The following SMARCC1 variants were observed in gnomAD, a reference collection of about 807,000 sequenced individuals.
SMARCC1 encodes SWI/SNF related BAF chromatin remodeling complex subunit C1.
In SMARCC1, 43 loss-of-function variants were observed where a neutral mutation model predicts 147.4. The ratio of observed to expected loss-of-function variants is 0.29; its 90% CI spans 0.23 to 0.38. The LOEUF (loss-of-function observed/expected upper bound fraction) is 0.38, where lower values mean the gene tolerates loss of function less well. SMARCC1 is among the 10% of genes least tolerant of loss of function. The probability of loss-of-function intolerance (pLI) is 1.00; values close to 1 mark genes in which losing one functional copy is unlikely to be tolerated. For synonymous variants in SMARCC1, 495 were observed against 484.4 expected (o/e 1.02, Z -0.29); for missense variants, 1,119 against 1,381.1 (o/e 0.81, Z 3.01).
intron 19 of SMARCC1, among the ~76,000 whole-genome samples, chr3:47,667,125 G>A (rs951396654): frequency 3.2e-4 from 49 of 152,230 alleles, no homozygotes; most frequent in Admixed American, 3.1e-3. Context: ...AGACCATCCT[G>A]GCTAACATGG....
chr3:47,594,433 A>C (rs1055080585), intron 26 of SMARCC1, among the ~76,000 whole-genome samples: 1 of 152,174 alleles, frequency 6.6e-6, no homozygotes, highest in Non-Finnish European at 1.5e-5. Context: ...GGACCAACTG[A>C]CCATCATTAA....
intron 2 of SMARCC1, among the ~76,000 whole-genome samples, chr3:47,758,360 A>G (rs2106857930): frequency 6.6e-6 from 1 of 151,296 alleles, no homozygotes; most frequent in East Asian, 1.9e-4. Context: ...GGCTCAAGCA[A>G]TCTTCCCACT....
chr3:47,679,287 T>A (rs973987999), intron 15 of SMARCC1, among the ~76,000 whole-genome samples: 2 of 151,532 alleles, frequency 1.3e-5, no homozygotes, highest in Non-Finnish European at 2.9e-5. Flanking sequence ...TTGACAGATA[T>A]GTACTTATAT....
intron 5 of SMARCC1, 96 bp from the exon 6 acceptor site, chr3:47,729,190 G>T: frequency 1.4e-6 from 1 of 734,120 alleles, no homozygotes; most frequent in South Asian, 1.9e-5. Flanking sequence ...TAAAAGCATG[G>T]TTTTACTTAT....
intron 25 of SMARCC1, among the ~76,000 whole-genome samples, chr3:47,614,909 A>C (rs1418152703): frequency 6.6e-6 from 1 of 152,154 alleles, no homozygotes; most frequent in Non-Finnish European, 1.5e-5. Flanking sequence ...GATCTCTTTG[A>C]CTTTATGCTC....
intron 26 of SMARCC1, among the ~76,000 whole-genome samples, chr3:47,592,889 A>G (rs958762373): frequency 6.1e-5 from 9 of 147,362 alleles, no homozygotes; most frequent in African/African-American, 2.0e-4. Context: ...ACACGATTTC[A>G]GCTCACTGGA....
intron 8 of SMARCC1, among the ~76,000 whole-genome samples, chr3:47,713,889 C>G (rs142189114): frequency 2.0e-5 from 3 of 152,300 alleles, no homozygotes; most frequent in African/African-American, 7.2e-5. Flanking sequence ...ACAATCTGAC[C>G]TGCCTTTGGA....
chr3:47,763,139 C>G (rs528549221), intron 2 of SMARCC1, among the ~76,000 whole-genome samples: 20 of 151,810 alleles, frequency 1.3e-4, no homozygotes, highest in African/African-American at 4.6e-4. Flanking sequence ...CAATGCATCT[C>G]CTTCTTCAAC....
In SMARCC1 at chr3:47,610,310, C is replaced by A. The variant is rs781343116; in HGVS notation, c.2799G>T (p.Gln933His). ...REKEALEQQRQQLLTERQNFH... is the reference protein window; with the variant it reads ...REKEALEQQRHQLLTERQNFH... Reference sequence around the variant, plus strand: ...AGTTTTGGCGTTCAGTAAGCAACTGCTGCCTCTGTTGTTCTAGCTGTAAGC... The same window carrying A: ...AGTTTTGGCGTTCAGTAAGCAACTGATGCCTCTGTTGTTCTAGCTGTAAGC... The change falls in exon 26 of 28, where the codon CAG becomes CAT. Residue 933 changes from glutamine (Q) to histidine (H), a missense_variant. By Grantham distance (24) the Gln-to-His change is conservative. This residue lies in a region of SMARCC1 where 42 missense variants were observed against 89.4 expected (regional missense o/e 0.47). Transcript: ENST00000254480. 5 of 1,614,186 alleles carry A rather than the reference C, an allele frequency of 3.1e-6. No homozygotes were observed. Among genetic ancestry groups the A allele is most frequent in the Non-Finnish European group, 4.2e-6 (5 of 1,180,024 alleles).
intron 13 of SMARCC1, among the ~76,000 whole-genome samples, chr3:47,687,680 C>T (rs1398547221): frequency 6.6e-6 from 1 of 152,142 alleles, no homozygotes; most frequent in Non-Finnish European, 1.5e-5. Context: ...GTTGTGCTGG[C>T]TGGTTTTGAA....
chr3:47,649,851 G>A (rs2033164192), intron 21 of SMARCC1, among the ~76,000 whole-genome samples: 1 of 152,194 alleles, frequency 6.6e-6, no homozygotes, highest in Admixed American at 6.5e-5. Flanking sequence ...TTGAGGGAAA[G>A]GGCTGGTGTC....
At chr3:47,670,471 G>T in intron 19 of SMARCC1, 187 bp downstream of exon 19, 1 of 560,122 alleles carries the variant, frequency 1.8e-6, no homozygotes. Context: ...CTTAGTCCCA[G>T]CTATTCAGGA....
At chr3:47,700,617 C>T (rs534788565) in intron 11 of SMARCC1, among the ~76,000 whole-genome samples, 1 of 152,146 alleles carries the variant, frequency 6.6e-6, no homozygotes, top group African/African-American at 2.4e-5. Context: ...CTCCTGCAAC[C>T]TCCTTCAAGT....
intron 18 of SMARCC1, among the ~76,000 whole-genome samples, chr3:47,675,079 T>C (rs944562223): frequency 1.3e-5 from 2 of 152,144 alleles, no homozygotes; most frequent in African/African-American, 4.8e-5. Flanking sequence ...CTCTTTGTCC[T>C]GGCCCCTCCC....
rs2032094261 is a variant in SMARCC1, at chr3:47,587,695, T to G, written c.*514A>C. 6.5e-6 allele frequency: 1 copy of G among 153,132 alleles called. No homozygotes were observed. Among genetic ancestry groups the G allele is most frequent in the Admixed American group, 6.5e-5 (1 of 15,364 alleles). 9.5% of individuals were successfully genotyped at this position (153,132 alleles called of 1,614,324 possible). A position where few individuals can be genotyped will look rare whatever the true frequency, so the allele number is the denominator to read the frequency against. On this transcript the variant is annotated 3_prime_UTR_variant, in exon 28 of 28. Transcript: ENST00000254480. ...TCAGAAAAGCAGAAATAAGGTCACT[T>G]ATAATGCCTTAAGGTTTGTCCCCTG...
intron 6 of SMARCC1, among the ~76,000 whole-genome samples, chr3:47,725,600 G>A (rs957806130): frequency 1.1e-4 from 17 of 151,938 alleles, no homozygotes; most frequent in African/African-American, 3.6e-4. Context: ...ACAGGGGCCC[G>A]CCACCATGCC....
intron 2 of SMARCC1, among the ~76,000 whole-genome samples, chr3:47,765,627 A>T (rs1036027959): frequency 6.6e-6 from 1 of 152,162 alleles, no homozygotes; most frequent in African/African-American, 2.4e-5. Context: ...TCTCCTTCCT[A>T]GTCCCATGTT....
intron 25 of SMARCC1, among the ~76,000 whole-genome samples, chr3:47,616,138 T>C (rs1463727455): frequency 1.3e-5 from 2 of 152,222 alleles, no homozygotes; most frequent in Admixed American, 6.5e-5. Context: ...ACGGCTTATG[T>C]GGGGCCCAGG....
intron 1 of SMARCC1, among the ~76,000 whole-genome samples, chr3:47,780,671 A>ACTG (rs1471639888): frequency 6.6e-6 from 1 of 152,222 alleles, no homozygotes; most frequent in Non-Finnish European, 1.5e-5. Context: ...ACTGCAGTGA[A>ACTG]CAAAGCCCTT....
Sources: allele counts gnomAD v4.1 joint callset (sites outside exome capture counted in the v4.1 genomes callset), GRCh38; gene constraint gnomAD v4.1.1; regional missense constraint gnomAD v4.1.1; transcripts MANE v1.5; gene names NCBI Gene and HGNC (gene_info 2026-07-23, HGNC 2026-07-21).